The following TCF3 variants were observed in gnomAD, a reference collection of about 807,000 sequenced individuals.
TCF3 encodes the protein transcription factor 3, also known as transcription factor E2-alpha.
Under a neutral mutation model 72.3 loss-of-function variants are expected in TCF3, and 54 were observed. The observed-to-expected ratio is 0.75, with a 90% CI of 0.60 to 0.94. The LOEUF is 0.94. TCF3 is among the 40% of genes least tolerant of loss of function. The pLI is 0.00. For synonymous variants in TCF3, 525 were observed against 412.6 expected, an observed-to-expected ratio of 1.27 and a Z score of -3.30; for missense variants, 1,078 against 934.4, an observed-to-expected ratio of 1.15 and a Z score of -2.00.
At chr19:1,636,403 C>T (rs76129545) in intron 3 of TCF3, among the ~76,000 whole-genome samples, 1 of 152,168 alleles carries the variant, frequency 6.6e-6, no homozygotes, top group Admixed American at 6.5e-5. Context: ...TCAAGTGATC[C>T]GTCTGCCTCA....
chr19:1,618,232 T>C (rs578182567), intron 16 of TCF3, among the ~76,000 whole-genome samples: 19 of 152,208 alleles, frequency 1.2e-4, no homozygotes, highest in Admixed American at 6.5e-4. Context: ...CCTCAAGTCC[T>C]GTCCATCACA....
At chr19:1,649,981 C>T (rs1019113039) in intron 2 of TCF3, among the ~76,000 whole-genome samples, 196 bp downstream of exon 2, 1 of 152,234 alleles carries the variant, frequency 6.6e-6, no homozygotes, top group South Asian at 2.1e-4. Flanking sequence ...GGCAAAAGCC[C>T]CATAGCACAC....
intron 1 of TCF3, 31 bp from the exon 2 acceptor site, chr19:1,650,318 G>C (rs746998727): frequency 2.1e-6 from 3 of 1,424,342 alleles, no homozygotes; most frequent in Non-Finnish European, 2.9e-6. Flanking sequence ...CAGATGGACA[G>C]GGAGAAACAG....
At chr19:1,642,059 C>T (rs2065321803) in intron 3 of TCF3, among the ~76,000 whole-genome samples, 2 of 150,866 alleles carry the variant, frequency 1.3e-5, no homozygotes. Context: ...AAAAAAAAAT[C>T]GTACAGATGA....
At chr19:1,644,426 G>C (rs959894014) in intron 3 of TCF3, among the ~76,000 whole-genome samples, 3 of 152,138 alleles carry the variant, frequency 2.0e-5, no homozygotes, top group African/African-American at 7.2e-5. Context: ...CCAGGAGCTG[G>C]GGGGTCCCAG....
At chr19:1,627,923 C>T (rs11879986) in intron 5 of TCF3, among the ~76,000 whole-genome samples, 6 of 5,980 alleles carry the variant, frequency 1.0e-3, no homozygotes, top group African/African-American at 6.3e-3. Flanking sequence ...GGGGGTGAGG[C>T]GGGAAGGGGA....
Position 1,611,678 on chromosome 19 carries a change from G to C in TCF3, c.*29C>G. 1 of 1,601,664 alleles carries C rather than the reference G, an allele frequency of 6.2e-7. No homozygotes were observed. On this transcript the variant is annotated 3_prime_UTR_variant, in exon 19 of 19. Coordinates refer to ENST00000262965, the MANE Select transcript of TCF3 (RefSeq NM_003200.5). ...GGGGCCAGAGCACAGGGCTGAAAGC[G>C]GGTGGCTCGTCCCACGGAGGCATAC...
At chr19:1,650,406 C>T in intron 1 of TCF3, 119 bp from the exon 2 acceptor site, 1 of 722,380 alleles carries the variant, frequency 1.4e-6, no homozygotes, top group East Asian at 2.8e-5. Context: ...GCCCTGGGGT[C>T]TGAGTTCCAG....
chr19:1,633,718 AGGCAGGGGGCTCCT>A (rs968124356), intron 3 of TCF3, among the ~76,000 whole-genome samples: 6 of 152,134 alleles, frequency 3.9e-5, no homozygotes, highest in African/African-American at 1.4e-4. Context: ...GTTGGGGGCC[AGGCAGGGGGCTCCT>A]GTGGTCTCCA....
Position 1,632,389 on chromosome 19 carries a change from G to A in TCF3, c.162C>T (p.Pro54=). ...CGCCGCTGCCCCAGGAGCCTGAGCT[G>A]GGCCGGTCCTCAAGACCTGCAGGCA... The part of the protein sequence containing the change: ...QFGGSGLEDR[P]SSGSWGSGDQ... Residue 54 remains proline, a synonymous_variant, in exon 4 of 19, where the codon CCC becomes CCT. Transcript: ENST00000262965. 2 of 1,595,826 alleles carry A rather than the reference G, an allele frequency of 1.3e-6. No homozygotes were observed. The highest frequency in any genetic ancestry group is 8.5e-7 in the Non-Finnish European group (1 of 1,171,780).
rs1287036684 is a variant in TCF3, at chr19:1,631,871, C to G, written c.298+167G>C. ...TGCCAGGGAGTCCGGGCCACGTCCC[C>G]TGCACCTCCCCGCAGCTGCTCCCAG... On this transcript the variant is annotated intron_variant, in intron 5 of 18. Transcript: ENST00000262965. 45 of 1,513,274 alleles carry G rather than the reference C, an allele frequency of 3.0e-5. No individual in the cohort carries two copies. The East Asian group carries it at 1.1e-3, about 36-fold the overall frequency. The allele number at this position is 1,513,274 out of a possible 1,614,324, so 93.7% of individuals were successfully genotyped here.
intron 8 of TCF3, among the ~76,000 whole-genome samples, chr19:1,623,343 T>A (rs1373999394): frequency 6.7e-6 from 1 of 149,500 alleles, no homozygotes. Context: ...CCTGAAGCTG[T>A]GAGGATGTAA....
chr19:1,612,314 A>G, intron 18 of TCF3: 1 of 1,613,920 alleles, frequency 6.2e-7, no homozygotes, highest in South Asian at 1.1e-5. Flanking sequence ...CATGCGCCCC[A>G]GCTCCCGGAA....
At chr19:1,626,071 T>A (rs1021692327) in intron 6 of TCF3, among the ~76,000 whole-genome samples, 1 of 152,164 alleles carries the variant, frequency 6.6e-6, no homozygotes, top group African/African-American at 2.4e-5. Context: ...CTCGGTTGGA[T>A]TCTGTACATG....
At chr19:1,633,967 C>A (rs1346574372) in intron 3 of TCF3, among the ~76,000 whole-genome samples, 1 of 152,184 alleles carries the variant, frequency 6.6e-6, no homozygotes, top group Non-Finnish European at 1.5e-5. Context: ...GGTGCAGAGA[C>A]CCCCAACTGA....
chr19:1,639,751 G>GAAAAAAAAAAAA (rs10674333), intron 3 of TCF3, among the ~76,000 whole-genome samples: 2 of 54,190 alleles, frequency 3.7e-5, no homozygotes, highest in Non-Finnish European at 3.4e-5. Flanking sequence ...AGGAAATTAG[G>GAAAAAAAAAAAA]AAAAAAAAAA....
At chr19:1,627,531 C>A (rs1034453950) in intron 5 of TCF3, 105 bp from the exon 6 acceptor site, 2 of 979,340 alleles carry the variant, frequency 2.0e-6, no homozygotes, top group Admixed American at 2.1e-5. Context: ...TAAGTGCACA[C>A]GACTGAGAGC....
Position 1,609,365 on chromosome 19 carries a change from A to AG in TCF3, c.*2341dup, listed in dbSNP as rs2060832669. 1 of 202,094 alleles carries AG rather than the reference A, an allele frequency of 4.9e-6. No individual in the cohort carries two copies. Among genetic ancestry groups the AG allele is most frequent in the South Asian group, 1.9e-4 (1 of 5,246 alleles). 12.5% of individuals were successfully genotyped at this position (202,094 alleles called of 1,614,324 possible). ...ACAGGTCTCTGAATCCACCTGAAAGAGGGTCGTTTTAAAGTCCCAATCATC... is the reference window on the plus strand; with the variant it reads ...ACAGGTCTCTGAATCCACCTGAAAGAGGGGTCGTTTTAAAGTCCCAATCATC... On this transcript the variant is annotated 3_prime_UTR_variant, in exon 19 of 19. Transcript: ENST00000262965.
rs1013676642 is a variant in TCF3, at chr19:1,624,131, C to T, written c.500-131G>A. On this transcript the variant is annotated intron_variant, in intron 7 of 18. Coordinates refer to ENST00000262965, the MANE Select transcript of TCF3 (RefSeq NM_003200.5). ...ACCTCGGGTCGGCTGGGTGCGGTGC[C>T]TCATGCCTGTAATACCAGGACTTTG... The T allele has an allele frequency of 4.8e-6, 4 of 826,758 alleles. No individual in the cohort carries two copies. The African/African-American group carries it at 5.1e-5, about 11-fold the overall frequency. The allele number at this position is 826,758 out of a possible 1,614,324, so 51.2% of individuals were successfully genotyped here.
Sources: gnomAD v4.1 joint callset for allele counts (sites outside exome capture counted in the v4.1 genomes callset) on GRCh38, gnomAD v4.1.1 for gene constraint, MANE v1.5 for transcripts, NCBI Gene and HGNC (gene_info 2026-07-23, HGNC 2026-07-21) for gene names.